Variants in KIF26B observed in about 807,000 individuals in gnomAD.
KIF26B encodes the protein kinesin family member 26B.
KIF26B carries 63 observed loss-of-function variants against 151.2 expected under a neutral mutation model. The ratio of observed to expected loss-of-function variants is 0.42; its 90% CI spans 0.34 to 0.51. KIF26B has a LOEUF of 0.51. Among genes scored for constraint, KIF26B ranks in the 20% least tolerant of loss-of-function variants. The pLI, the probability that KIF26B is intolerant of heterozygous loss-of-function variation, is 0.07. For missense variants in KIF26B, 2,813 were observed against 2,913.6 expected (o/e 0.97, Z 0.79); for synonymous variants, 1,357 against 1,262.1 (o/e 1.08, Z -1.59).
At chr1:245,569,028 G>A (rs2043038396) in intron 5 of KIF26B, among the ~76,000 whole-genome samples, 1 of 152,210 alleles carries the variant, frequency 6.6e-6, no homozygotes, top group Non-Finnish European at 1.5e-5. Context: ...GGGCTCAGAT[G>A]AGAAATAGCT....
At chr1:245,391,331 G>T (rs535256126) in intron 3 of KIF26B, among the ~76,000 whole-genome samples, 1 of 152,112 alleles carries the variant, frequency 6.6e-6, no homozygotes, top group Non-Finnish European at 1.5e-5. Context: ...GATTTTTAGT[G>T]TAGTTTCTAA....
At position 245,302,001 on chromosome 1, in the gene KIF26B, C is replaced by G. The variant is rs114355651; in HGVS notation, c.466-64833C>G. ...TTTGTTTCAGTCCTTCTAACCCATTCTCATTGTTTTCTGTCAGTGTTGGAA... is the reference window on the plus strand; with the variant it reads ...TTTGTTTCAGTCCTTCTAACCCATTGTCATTGTTTTCTGTCAGTGTTGGAA... On this transcript the variant is annotated intron_variant, in intron 2 of 14. Coordinates refer to ENST00000407071, the MANE Select transcript of KIF26B (RefSeq NM_018012.4). Among the ~76,000 whole-genome samples the G allele has an allele frequency of 5.5e-3, 845 of 152,308 alleles. 8 individuals are homozygous for G. The highest frequency in any genetic ancestry group is 0.019 in the African/African-American group (788 of 41,554).
chr1:245,353,476 C>G (rs113452259), intron 2 of KIF26B, among the ~76,000 whole-genome samples: 1 of 152,294 alleles, frequency 6.6e-6, no homozygotes, highest in African/African-American at 2.4e-5. Context: ...GAGGAAGATT[C>G]GGATCGTGGC....
chr1:245,644,274 A>G (rs557023364), intron 9 of KIF26B, among the ~76,000 whole-genome samples: 9 of 151,836 alleles, frequency 5.9e-5, no homozygotes, highest in South Asian at 2.1e-4. Context: ...TCTGCCATTC[A>G]TCTCATCTAC....
intron 3 of KIF26B, among the ~76,000 whole-genome samples, chr1:245,373,482 G>A (rs563987852): frequency 1.3e-5 from 2 of 152,306 alleles, no homozygotes; most frequent in South Asian, 2.1e-4. Context: ...GATTTCACTC[G>A]ATTGAACTTG....
intron 10 of KIF26B, among the ~76,000 whole-genome samples, chr1:245,655,018 T>C (rs1307583520): frequency 6.6e-6 from 1 of 152,234 alleles, no homozygotes; most frequent in Admixed American, 6.5e-5. Flanking sequence ...AGCTGGAATT[T>C]GTGAAGTTTC....
At chr1:245,265,898 C>G (rs902665591) in intron 2 of KIF26B, among the ~76,000 whole-genome samples, 5 of 152,104 alleles carry the variant, frequency 3.3e-5, no homozygotes, top group African/African-American at 1.2e-4. Context: ...ATGAGCCACC[C>G]TGCCCGACCC....
intron 3 of KIF26B, among the ~76,000 whole-genome samples, chr1:245,406,724 C>A (rs1414129672): frequency 1.3e-5 from 2 of 152,132 alleles, no homozygotes; most frequent in Non-Finnish European, 2.9e-5. Flanking sequence ...AGCACGTATT[C>A]AATAGTCAAA....
Position 245,542,209 on chromosome 1 carries a change from T to G in KIF26B, c.1350+1259T>G, listed in dbSNP as rs1426629084. On this transcript the variant is annotated intron_variant, in intron 5 of 14. Coordinates refer to ENST00000407071, the MANE Select transcript of KIF26B (RefSeq NM_018012.4). ...CTCTACAAAAAATTTAAAAGTCAGC[T>G]GGGCACAGTGGCAGATGCCTGTAGT... Among the ~76,000 whole-genome samples, 4 of 152,148 alleles carry G rather than the reference T, an allele frequency of 2.6e-5. No homozygotes were observed. In the East Asian group the frequency reaches 7.7e-4, roughly 29 times the overall value.
At chr1:245,677,360 C>T (rs1221491706) in intron 10 of KIF26B, among the ~76,000 whole-genome samples, 2 of 152,258 alleles carry the variant, frequency 1.3e-5, no homozygotes, top group Non-Finnish European at 2.9e-5. Context: ...CCAGAGTCAC[C>T]TTCATCGGAA....
intron 9 of KIF26B, among the ~76,000 whole-genome samples, chr1:245,641,528 T>C (rs2043891792): frequency 6.7e-6 from 1 of 149,958 alleles, no homozygotes. Context: ...CTTCTTATTC[T>C]TTTTTTTCTC....
Position 245,688,122 on chromosome 1 carries a change from C to T in KIF26B, c.5139C>T (p.Ser1713=). 1 of 1,574,340 alleles carries T rather than the reference C, an allele frequency of 6.4e-7. No homozygotes were observed. Among genetic ancestry groups the T allele is most frequent in the Non-Finnish European group, 8.6e-7 (1 of 1,165,290 alleles). Residue 1713 remains serine, a synonymous_variant, in exon 12 of 15, where the codon AGC becomes AGT. Coordinates refer to ENST00000407071, the MANE Select transcript of KIF26B (RefSeq NM_018012.4). ...MPRAGRSLGR[S]AGTSPPSSGA... ...GCGCGGGGAGGAGCCTGGGCCGCAGCGCCGGGACCTCGCCCCCCAGCTCCG... is the reference window on the plus strand; with the variant it reads ...GCGCGGGGAGGAGCCTGGGCCGCAGTGCCGGGACCTCGCCCCCCAGCTCCG...
Position 245,155,442 on chromosome 1 carries a change from G to A in KIF26B, c.18G>A (p.Gly6=). 2 of 1,612,426 alleles carry A rather than the reference G, an allele frequency of 1.2e-6. No individual in the cohort carries two copies. Among genetic ancestry groups the A allele is most frequent in the Middle Eastern group, 1.7e-4 (1 of 6,058 alleles). The part of the protein sequence containing the change: MNSVA[G]NKERLAVSTR... The stretch of plus-strand genomic sequence containing the variant: ...AAGCCACCATGAATTCGGTAGCTGG[G>A]AATAAAGAGAGGCTTGCGGTCTCCA... Residue 6 remains glycine, a synonymous_variant, in exon 1 of 15, where the codon GGG becomes GGA. Transcript: ENST00000407071.
chr1:245,244,902 C>T lies in KIF26B; in HGVS notation c.465+88219C>T, dbSNP rs538234487. ...TATTCAGAGATTATCATCATGACTG[C>T]TCATGATGGCAGTCAGTTTATCCAG... On this transcript the variant is annotated intron_variant, in intron 2 of 14. Transcript: ENST00000407071. The surrounding 1 kb of genome is among the most constrained non-coding windows in gnomAD (Gnocchi z 4.2). Among the ~76,000 whole-genome samples the T allele has an allele frequency of 2.6e-5, 4 of 152,206 alleles. No individual in the cohort carries two copies. Among genetic ancestry groups the T allele is most frequent in the Non-Finnish European group, 5.9e-5 (4 of 68,016 alleles).
chr1:245,540,450 C>T lies in KIF26B; in HGVS notation c.1167-317C>T, dbSNP rs920852621. The T allele has an allele frequency of 7.1e-6, 4 of 561,290 alleles. No individual in the cohort carries two copies. The African/African-American group carries it at 7.4e-5, about 10-fold the overall frequency. The allele number at this position is 561,290 out of a possible 1,614,324, so 34.8% of individuals were successfully genotyped here. On this transcript the variant is annotated intron_variant, in intron 4 of 14. Transcript: ENST00000407071. This position sits in a 1 kb window ranked among gnomAD's most constrained non-coding sequence, Gnocchi z 4.6. Reference sequence around the variant, plus strand: ...TGGAGTGATGAACTTAATGGGTGCCCTTATCCCCAAAGATGCCCAGCTTTG... The same window carrying T: ...TGGAGTGATGAACTTAATGGGTGCCTTTATCCCCAAAGATGCCCAGCTTTG...
chr1:245,424,868 AT>A (rs773491611), intron 4 of KIF26B, among the ~76,000 whole-genome samples: 11 of 152,110 alleles, frequency 7.2e-5, no homozygotes, highest in Non-Finnish European at 1.6e-4. Flanking sequence ...TCCTCTCACG[AT>A]TGTCTTTAAA....
intron 2 of KIF26B, among the ~76,000 whole-genome samples, chr1:245,273,243 G>T (rs12741100): frequency 0.45 from 67,859 of 151,552 alleles, 15,813 homozygotes; most frequent in East Asian, 0.61. Flanking sequence ...GTGAAACCCT[G>T]TCTCTACTTA....
At chr1:245,451,585 C>CTTTT (rs58192966) in intron 4 of KIF26B, among the ~76,000 whole-genome samples, 231 of 58,392 alleles carry the variant, frequency 4.0e-3, no homozygotes, top group Non-Finnish European at 4.7e-3. Flanking sequence ...GAAGATCTAT[C>CTTTT]TTTTTTTTTT....
chr1:245,220,702 C>T (rs936878543), intron 2 of KIF26B, among the ~76,000 whole-genome samples: 3 of 152,052 alleles, frequency 2.0e-5, no homozygotes, highest in Non-Finnish European at 4.4e-5. Context: ...AGCTGGTTTT[C>T]TTTAACTACC....
Sources: gnomAD v4.1 joint callset for allele counts (sites outside exome capture counted in the v4.1 genomes callset) on GRCh38, gnomAD v4.1.1 for gene constraint, Gnocchi (gnomAD v3.1) non-coding constraint, MANE v1.5 for transcripts, NCBI Gene and HGNC (gene_info 2026-07-23, HGNC 2026-07-21) for gene names.